The following GPCPD1 variants were observed in gnomAD, a reference collection of about 807,000 sequenced individuals.
GPCPD1 encodes glycerophosphocholine phosphodiesterase GPCPD1.
A neutral mutation model predicts 89.2 loss-of-function variants in GPCPD1; 29 were observed. The ratio of observed to expected loss-of-function variants is 0.33; its 90% CI spans 0.24 to 0.44. The LOEUF (loss-of-function observed/expected upper bound fraction) is 0.44, where lower values mean the gene tolerates loss of function less well. Among genes scored for constraint, GPCPD1 ranks in the 20% least tolerant of loss-of-function variants. GPCPD1 has a pLI of 1.00. For missense variants in GPCPD1, 594 were observed against 808.9 expected (o/e 0.73, Z 3.22); for synonymous variants, 258 against 266.3 (o/e 0.97, Z 0.30).
rs1164817946 is a variant in GPCPD1, at chr20:5,582,905, A to T, written c.349+1376T>A. On this transcript the variant is annotated intron_variant, in intron 6 of 19. Transcript: ENST00000379019. Reference sequence around the variant, plus strand: ...CTCCATCTCAAAAGAAAAAAAAAAAAAAAGAATGCAGTTTAGTATAATAGC... The same window carrying T: ...CTCCATCTCAAAAGAAAAAAAAAAATAAAGAATGCAGTTTAGTATAATAGC... 2.0e-5 allele frequency among the ~76,000 whole-genome samples: 3 copies of T among 151,686 alleles called. No homozygotes were observed. The South Asian group carries it at 6.2e-4, about 32-fold the overall frequency.
chr20:5,566,066 G>A (rs886273057), intron 14 of GPCPD1, among the ~76,000 whole-genome samples: 2 of 151,746 alleles, frequency 1.3e-5, no homozygotes, highest in South Asian at 2.1e-4. Flanking sequence ...CTCTGGGTGG[G>A]GATAATCTTT....
intron 2 of GPCPD1, among the ~76,000 whole-genome samples, chr20:5,603,463 A>T (rs535365767): frequency 1.3e-5 from 2 of 152,136 alleles, no homozygotes; most frequent in African/African-American, 2.4e-5. Flanking sequence ...GTGGGCAAAG[A>T]TCTAGGCAGA....
At position 5,566,881 on chromosome 20, in the gene GPCPD1, C is replaced by T. The variant is rs114010910; in HGVS notation, c.1228-109G>A. 1,250 of 711,918 alleles carry T rather than the reference C, an allele frequency of 1.8e-3. 11 individuals carry two copies. In the African/African-American group the frequency reaches 0.02, roughly 11 times the overall value. The allele number at this position is 711,918 out of a possible 1,614,324, so 44.1% of individuals were successfully genotyped here. On this transcript the variant is annotated intron_variant, in intron 13 of 19. Coordinates refer to ENST00000379019, the MANE Select transcript of GPCPD1 (RefSeq NM_019593.5). ...TAGCAAGATAAAAAAGCCTATAAAACGTAGAACTATCAGTTTAATAAGAAT... is the reference window on the plus strand; with the variant it reads ...TAGCAAGATAAAAAAGCCTATAAAATGTAGAACTATCAGTTTAATAAGAAT...
intron 6 of GPCPD1, among the ~76,000 whole-genome samples, chr20:5,582,615 A>C (rs1347514143): frequency 6.6e-6 from 1 of 152,124 alleles, no homozygotes; most frequent in African/African-American, 2.4e-5. Context: ...CAGGCTGGGC[A>C]TGGTGGCTTA....
Position 5,578,433 on chromosome 20 carries a change from T to C in GPCPD1, c.652A>G (p.Ser218Gly). The change falls in exon 8 of 20, where the codon AGC becomes GGC. Residue 218 changes from serine (S) to glycine (G), a missense_variant. Physicochemically the swap from Ser to Gly is moderately conservative, Grantham distance 56. Coordinates refer to ENST00000379019, the MANE Select transcript of GPCPD1 (RefSeq NM_019593.5). ...GLQPDRWTEYSIQTMEPDNLE... is the reference protein window; with the variant it reads ...GLQPDRWTEYGIQTMEPDNLE... ...TTATCTGGTTCCATCGTCTGTATGC[T>C]GTACTCTGTCCAACGATCAGGCTGC... 2 of 1,614,096 alleles carry C rather than the reference T, an allele frequency of 1.2e-6. No individual in the cohort carries two copies. The highest frequency in any genetic ancestry group is 8.5e-7 in the Non-Finnish European group (1 of 1,179,892).
intron 2 of GPCPD1, among the ~76,000 whole-genome samples, chr20:5,600,997 A>C (rs1032456515): frequency 6.6e-6 from 1 of 151,702 alleles, no homozygotes; most frequent in Admixed American, 6.6e-5. Context: ...CTCGAAAAAA[A>C]TTTTTTTTAA....
chr20:5,605,149 GAAAAC>G (rs1242303095), intron 1 of GPCPD1, among the ~76,000 whole-genome samples: 5 of 152,048 alleles, frequency 3.3e-5, no homozygotes, highest in Admixed American at 3.3e-4. Context: ...TGTTCAAAAA[GAAAAC>G]AAAACAAGAC....
rs538331875 is a variant in GPCPD1, at chr20:5,601,152, C to T, written c.50-2331G>A. Among the ~76,000 whole-genome samples the T allele has an allele frequency of 2.6e-5, 4 of 151,960 alleles. No homozygotes were observed. The South Asian group carries it at 8.3e-4, about 32-fold the overall frequency. ...GAGCCAAGATTGCATCACTGCGCTC[C>T]AGCCTGGGCAATATAGTGAGACCCT... is the stretch of plus-strand genomic sequence containing the variant. On this transcript the variant is annotated intron_variant, in intron 2 of 19. Coordinates refer to ENST00000379019, the MANE Select transcript of GPCPD1 (RefSeq NM_019593.5).
At chr20:5,599,572 G>A (rs1427779397) in intron 2 of GPCPD1, among the ~76,000 whole-genome samples, 1 of 152,044 alleles carries the variant, frequency 6.6e-6, no homozygotes, top group Non-Finnish European at 1.5e-5. Flanking sequence ...CTTGGTTTTT[G>A]GAGATGGAGT....
chr20:5,604,036 T>TG (rs1450018774), intron 2 of GPCPD1, among the ~76,000 whole-genome samples: 1 of 152,190 alleles, frequency 6.6e-6, no homozygotes, highest in Non-Finnish European at 1.5e-5. Context: ...CATAAGCCAC[T>TG]GCGCCCGGCC....
Position 5,546,019 on chromosome 20 carries a change from G to C in GPCPD1, c.*1642C>G, listed in dbSNP as rs1985010355. 1 of 152,176 alleles carries C rather than the reference G, an allele frequency of 6.6e-6. No individual in the cohort carries two copies. Among genetic ancestry groups the C allele is most frequent in the Non-Finnish European group, 1.5e-5 (1 of 68,044 alleles). 9.4% of individuals were successfully genotyped at this position (152,176 alleles called of 1,614,324 possible). ...AGAAATGGTAACCGTATTGGACAAA[G>C]GTCTGCAGATGAAGGAAACTAATTC... On this transcript the variant is annotated 3_prime_UTR_variant, in exon 20 of 20. Coordinates refer to ENST00000379019, the MANE Select transcript of GPCPD1 (RefSeq NM_019593.5).
At chr20:5,569,689 C>A (rs1986598026) in intron 12 of GPCPD1, among the ~76,000 whole-genome samples, 1 of 152,150 alleles carries the variant, frequency 6.6e-6, no homozygotes, top group Non-Finnish European at 1.5e-5. Flanking sequence ...TTTCCTACCC[C>A]CCTAGTTCTT....
chr20:5,576,040 TACAC>T (rs36119025), intron 8 of GPCPD1, 62 bp from the exon 9 acceptor site: 2,191 of 595,176 alleles, frequency 3.7e-3, no homozygotes, highest in East Asian at 0.011. Context: ...TACATACATA[TACAC>T]ACACACACAC....
chr20:5,575,951 C>T lies in GPCPD1; in HGVS notation c.733G>A (p.Gly245Ser). The change falls in exon 9 of 20, where the codon GGT becomes AGT. Residue 245 changes from glycine (G) to serine (S), a missense_variant. Physicochemically the swap from Gly to Ser is moderately conservative, Grantham distance 56 (BLOSUM62 0). Transcript: ENST00000379019. ...CCCACATGTCCAGGAAGGGCATCAC[C>T]CTGAACTACGTGCTCACTGAGATCT... is the stretch of plus-strand genomic sequence containing the variant. ...EEDLSEHVVQ[G>S]DALPGHVGTA... The T allele has an allele frequency of 6.2e-7, 1 of 1,600,126 alleles. No homozygotes were observed. Among genetic ancestry groups the T allele is most frequent in the Non-Finnish European group, 8.5e-7 (1 of 1,170,570 alleles).
chr20:5,549,950 T>TG (rs1985285382), intron 19 of GPCPD1, among the ~76,000 whole-genome samples: 1 of 151,912 alleles, frequency 6.6e-6, no homozygotes, highest in Non-Finnish European at 1.5e-5. Context: ...CCCAGCACTT[T>TG]GGGAGGACAA....
chr20:5,586,101 A>G, intron 5 of GPCPD1, 93 bp downstream of exon 5: 1 of 608,924 alleles, frequency 1.6e-6, no homozygotes, highest in South Asian at 2.3e-5. Context: ...CCTTAACTTT[A>G]GAATAAAAAT....
intron 19 of GPCPD1, chr20:5,548,872 T>C (rs1194416457): frequency 1.0e-6 from 1 of 990,294 alleles, no homozygotes; most frequent in Non-Finnish European, 1.4e-6. Flanking sequence ...CTACTCCTAA[T>C]CCCCCTGTGA....
chr20:5,550,642 C>G (rs890435064), intron 19 of GPCPD1, among the ~76,000 whole-genome samples: 1 of 152,206 alleles, frequency 6.6e-6, no homozygotes, highest in Non-Finnish European at 1.5e-5. Context: ...AGCAACAACA[C>G]TGGAATGGTA....
Position 5,558,722 on chromosome 20 carries a change from G to C in GPCPD1, c.1630C>G (p.Pro544Ala), listed in dbSNP as rs762885607. Residue 544 changes from proline to alanine, a missense_variant, in exon 18 of 20, where the codon CCC (proline) becomes GCC (alanine). Physicochemically the swap from Pro to Ala is conservative, Grantham distance 27. Coordinates refer to ENST00000379019, the MANE Select transcript of GPCPD1 (RefSeq NM_019593.5). ...ELMDLRSRTTPIAMSFAQFEN... is the reference protein window; with the variant it reads ...ELMDLRSRTTAIAMSFAQFEN... ...AACTGTGCAAAGCTCATTGCAATGGGGGTTGTCCGAGATCTGAGGTCCATG... is the reference window on the plus strand; with the variant it reads ...AACTGTGCAAAGCTCATTGCAATGGCGGTTGTCCGAGATCTGAGGTCCATG... 7 of 1,599,642 alleles carry C rather than the reference G, an allele frequency of 4.4e-6. No homozygotes were observed. The South Asian group carries it at 6.7e-5, about 15-fold the overall frequency.
Sources: gnomAD v4.1 joint callset for allele counts (sites outside exome capture counted in the v4.1 genomes callset) on GRCh38, gnomAD v4.1.1 for gene constraint, MANE v1.5 for transcripts, NCBI Gene and HGNC (gene_info 2026-07-23, HGNC 2026-07-21) for gene names.